MIGA1: variants seen among roughly 807,000 people sequenced by gnomAD.
MIGA1 encodes family with sequence similarity 73, member A.
Under a neutral mutation model 82.0 loss-of-function variants are expected in MIGA1, and 58 were observed. That is an observed-to-expected ratio of 0.71 (90% CI 0.57 to 0.88). The LOEUF (loss-of-function observed/expected upper bound fraction) is 0.88. Among genes scored for constraint, MIGA1 ranks in the 40% least tolerant of loss-of-function variants. MIGA1 has a pLI of 0.00. For synonymous variants in MIGA1, 249 were observed against 253.6 expected, an observed-to-expected ratio of 0.98 and a Z score of 0.17; for missense variants, 751 against 749.1, an observed-to-expected ratio of 1.00 and a Z score of -0.03.
intron 2 of MIGA1, among the ~76,000 whole-genome samples, chr1:77,794,755 T>C (rs963754806): frequency 1.3e-5 from 2 of 152,152 alleles, no homozygotes; most frequent in African/African-American, 4.8e-5. Context: ...TGAGCTGTGA[T>C]TGCACACTGC....
chr1:77,796,962 C>T (rs1682682452), intron 2 of MIGA1, among the ~76,000 whole-genome samples: 2 of 152,180 alleles, frequency 1.3e-5, no homozygotes, highest in Admixed American at 1.3e-4. Flanking sequence ...TTGTGGTCAC[C>T]TCTGACCGCT....
At chr1:77,795,270 T>C (rs1682605888) in intron 2 of MIGA1, among the ~76,000 whole-genome samples, 1 of 152,212 alleles carries the variant, frequency 6.6e-6, no homozygotes, top group Non-Finnish European at 1.5e-5. Context: ...CAGCCAGCAG[T>C]TCTTACTGAA....
At chr1:77,863,407 G>A (rs915499447) in intron 12 of MIGA1, among the ~76,000 whole-genome samples, 7 of 152,168 alleles carry the variant, frequency 4.6e-5, no homozygotes, top group African/African-American at 1.4e-4. Context: ...GCTTCACACA[G>A]TTCATAATTG....
chr1:77,787,676 A>T lies in MIGA1; in HGVS notation c.195+4325A>T, dbSNP rs138458759. Among the ~76,000 whole-genome samples, 214 of 152,222 alleles carry T rather than the reference A, an allele frequency of 1.4e-3. 1 individual carries two copies. The highest frequency in any genetic ancestry group is 2.7e-3 in the Non-Finnish European group (186 of 67,994). ...AGTGTTGGGATTACAGGTGTGAGCCACTTGTGCCTGGCCCCTTTGCCCATT... is the reference window on the plus strand; with the variant it reads ...AGTGTTGGGATTACAGGTGTGAGCCTCTTGTGCCTGGCCCCTTTGCCCATT... On this transcript the variant is annotated intron_variant, in intron 2 of 15. Transcript: ENST00000370791.
At chr1:77,848,022 G>A in intron 8 of MIGA1, 3 of 1,266,074 alleles carry the variant, frequency 2.4e-6, no homozygotes, top group Non-Finnish European at 3.5e-6. Context: ...TGAAGAAAGA[G>A]GGCACAGTGC....
chr1:77,781,425 T>C (rs1294199385), intron 1 of MIGA1, among the ~76,000 whole-genome samples: 1 of 152,196 alleles, frequency 6.6e-6, no homozygotes, highest in Non-Finnish European at 1.5e-5. Flanking sequence ...TGTGTTAATA[T>C]TTAGGGAGGG....
chr1:77,798,442 C>T (rs1682748143), intron 2 of MIGA1, among the ~76,000 whole-genome samples: 1 of 152,190 alleles, frequency 6.6e-6, no homozygotes, highest in Admixed American at 6.5e-5. Context: ...GCAAAAGGTG[C>T]GTCTTCCATG....
chr1:77,804,732 C>T (rs889573801), intron 4 of MIGA1, among the ~76,000 whole-genome samples: 4 of 151,550 alleles, frequency 2.6e-5, no homozygotes, highest in South Asian at 2.1e-4. Context: ...TGGGTTCAAG[C>T]GATTGTCCTG....
rs1412222574 is a variant in MIGA1 at position 77,876,883 on chromosome 1, T to G, written c.*1819T>G. On this transcript the variant is annotated 3_prime_UTR_variant, in exon 16 of 16. Coordinates refer to ENST00000370791, the MANE Select transcript of MIGA1 (RefSeq NM_198549.4). ...GAGTTGTATTAATTTTGTTTCTAAA[T>G]AATATACCACTTATTTGGAGTGACT... is the stretch of plus-strand genomic sequence containing the variant. 1 of 152,220 alleles carries G rather than the reference T, an allele frequency of 6.6e-6. No homozygotes were observed. Among genetic ancestry groups the G allele is most frequent in the Admixed American group, 6.5e-5 (1 of 15,278 alleles). 9.4% of individuals were successfully genotyped at this position (152,220 alleles called of 1,614,324 possible).
chr1:77,787,033 C>G (rs914316504), intron 2 of MIGA1, among the ~76,000 whole-genome samples: 1 of 152,250 alleles, frequency 6.6e-6, no homozygotes, highest in East Asian at 1.9e-4. Flanking sequence ...GCCTCACAAT[C>G]ATGGCGGAAG....
chr1:77,814,478 C>T (rs1438261482), intron 6 of MIGA1, among the ~76,000 whole-genome samples: 1 of 151,236 alleles, frequency 6.6e-6, no homozygotes, highest in Non-Finnish European at 1.5e-5. Context: ...TACACTATAC[C>T]CCAGAACTCC....
At chr1:77,852,174 C>T (rs1276065859) in intron 8 of MIGA1, among the ~76,000 whole-genome samples, 2 of 151,998 alleles carry the variant, frequency 1.3e-5, no homozygotes, top group African/African-American at 2.4e-5. Context: ...TGTGAGCCAC[C>T]GCACCTGGCC....
intron 7 of MIGA1, among the ~76,000 whole-genome samples, chr1:77,836,569 T>C (rs1196244919): frequency 6.6e-6 from 1 of 152,204 alleles, no homozygotes; most frequent in Non-Finnish European, 1.5e-5. Flanking sequence ...AAAATTATTT[T>C]ATACTCACGA....
At chr1:77,792,529 G>A (rs1475801038) in intron 2 of MIGA1, among the ~76,000 whole-genome samples, 1 of 152,180 alleles carries the variant, frequency 6.6e-6, no homozygotes, top group African/African-American at 2.4e-5. Context: ...AGTTTCTACA[G>A]TTTGTTTCAA....
chr1:77,855,552 C>T (rs1480186994), intron 8 of MIGA1, among the ~76,000 whole-genome samples: 3 of 151,834 alleles, frequency 2.0e-5, no homozygotes, highest in African/African-American at 2.4e-5. Flanking sequence ...TTGTTTGGGT[C>T]GTCTCTGATT....
At chr1:77,869,525 A>G (rs1327695332) in intron 14 of MIGA1, among the ~76,000 whole-genome samples, 1 of 135,232 alleles carries the variant, frequency 7.4e-6, no homozygotes, top group African/African-American at 2.8e-5. Flanking sequence ...GCGGCCGGGC[A>G]GAAGCGCCCC....
rs373283931 is a variant in MIGA1, at chr1:77,835,464, T to TAC, written c.896-7842_896-7841dup. On this transcript the variant is annotated intron_variant, in intron 7 of 15. Coordinates refer to ENST00000370791, the MANE Select transcript of MIGA1 (RefSeq NM_198549.4). ...AATGTTACCAAAAATAAAAAAGAGC[T>TAC]ACTTCACTGAGAGCCAGTGTGGTAA... Among the ~76,000 whole-genome samples, 1,312 of 152,306 alleles carry TAC rather than the reference T, an allele frequency of 8.6e-3. 8 individuals are homozygous for TAC. The highest frequency in any genetic ancestry group is 0.013 in the Non-Finnish European group (861 of 68,012).
At chr1:77,806,306 C>T (rs1371818261) in intron 4 of MIGA1, among the ~76,000 whole-genome samples, 7 of 152,098 alleles carry the variant, frequency 4.6e-5, no homozygotes, top group Admixed American at 2.6e-4. Flanking sequence ...TGTAATCTTA[C>T]GGTAGGGTTG....
chr1:77,844,135 T>TATATATATATAG (rs1376030825), intron 8 of MIGA1, among the ~76,000 whole-genome samples: 32 of 112,524 alleles, frequency 2.8e-4, no homozygotes, highest in African/African-American at 1.2e-3. Flanking sequence ...TATATATATA[T>TATATATATATAG]ATAGATAGAT....
Sources: allele counts gnomAD v4.1 joint callset (sites outside exome capture counted in the v4.1 genomes callset), GRCh38; gene constraint gnomAD v4.1.1; transcripts MANE v1.5; gene names NCBI Gene and HGNC (gene_info 2026-07-23, HGNC 2026-07-21).